ZNF710: variants seen among roughly 807,000 people sequenced by gnomAD.
The protein encoded by ZNF710 is zinc finger protein 710.
ZNF710 carries 13 observed loss-of-function variants against 50.6 expected under a neutral mutation model. The ratio of observed to expected loss-of-function variants is 0.26; its 90% CI spans 0.17 to 0.41. The LOEUF is 0.41. Ranked by LOEUF, ZNF710 falls within the 10% of genes least tolerant of loss-of-function variation. ZNF710 has a pLI of 1.00. For synonymous variants in ZNF710, 383 were observed against 397.0 expected, an observed-to-expected ratio of 0.96 and a Z score of 0.42; for missense variants, 721 against 936.6, an observed-to-expected ratio of 0.77 and a Z score of 3.01.
Position 90,031,021 on chromosome 15 carries a change from AAAAAAAG to A in ZNF710, c.-29+29414_-29+29420del, listed in dbSNP as rs1231461355. Among the ~76,000 whole-genome samples, 207 of 150,400 alleles carry A rather than the reference AAAAAAAG, an allele frequency of 1.4e-3. 9 individuals carry two copies. Among genetic ancestry groups the A allele is most frequent in the African/African-American group, 4.8e-3 (197 of 40,902 alleles). On this transcript the variant is annotated intron_variant, in intron 1 of 4. Transcript: ENST00000268154. ...GCGACAGAGCGAGACTCCGTCTCAA[AAAAAAAG>A]AAAAAAAAAAAAATGCTTAATGGAT...
intron 1 of ZNF710, among the ~76,000 whole-genome samples, chr15:90,035,185 C>T (rs894044590): frequency 6.6e-6 from 1 of 152,234 alleles, no homozygotes; most frequent in African/African-American, 2.4e-5. Context: ...ACGTGGGGAC[C>T]TGGCAACCAC....
intron 1 of ZNF710, among the ~76,000 whole-genome samples, chr15:90,004,309 C>T (rs543109284): frequency 1.3e-5 from 2 of 152,286 alleles, no homozygotes; most frequent in East Asian, 3.9e-4. Context: ...TGGAAAGAAG[C>T]ACAACTTCTT....
chr15:90,064,734 C>T (rs900065050), intron 1 of ZNF710, among the ~76,000 whole-genome samples: 6 of 152,110 alleles, frequency 3.9e-5, no homozygotes, highest in East Asian at 1.9e-4. Flanking sequence ...GTGATCTGCC[C>T]GCCTCAGCCT....
At chr15:90,066,632 C>T (rs1261823708) in intron 1 of ZNF710, among the ~76,000 whole-genome samples, 4 of 152,000 alleles carry the variant, frequency 2.6e-5, no homozygotes, top group East Asian at 1.9e-4. Flanking sequence ...CCGGCCACCA[C>T]GCCCAGCTAA....
At position 90,082,004 on chromosome 15, in the gene ZNF710, CAAA is replaced by C. The variant is rs1262396168; in HGVS notation, c.*2177_*2179del. The C allele has an allele frequency of 6.6e-6, 1 of 152,228 alleles. No homozygotes were observed. The highest frequency in any genetic ancestry group is 2.4e-5 in the African/African-American group (1 of 41,442). 9.4% of individuals were successfully genotyped at this position (152,228 alleles called of 1,614,324 possible). On this transcript the variant is annotated 3_prime_UTR_variant, in exon 5 of 5. Coordinates refer to ENST00000268154, the MANE Select transcript of ZNF710 (RefSeq NM_198526.4). ...TGTCTGTACCCCTCCCTAACCTTCT[CAAA>C]AGAGGTGCACAGCCTCTCGGGTGAC...
At chr15:90,035,707 C>T (rs992391409) in intron 1 of ZNF710, among the ~76,000 whole-genome samples, 3 of 152,196 alleles carry the variant, frequency 2.0e-5, no homozygotes, top group Admixed American at 6.5e-5. Flanking sequence ...TAGCAAACAG[C>T]GATCAGCAGC....
chr15:90,067,700 ACCCTC>A lies in ZNF710; in HGVS notation c.564_568del (p.Asp188GlufsTer39). ...CCGGAGCTGAACGTGGCCCCATATG[ACCCTC>A]ACTTCCCGGCCCCGGCCCGGGATGG... On this transcript the variant is annotated frameshift_variant, in exon 2 of 5. Transcript: ENST00000268154. LOFTEE classifies it high-confidence loss of function. The surrounding 1 kb of genome is among the most constrained non-coding windows in gnomAD (Gnocchi z 8.1). 1 of 1,609,988 alleles carries A rather than the reference ACCCTC, an allele frequency of 6.2e-7. No homozygotes were observed. Among genetic ancestry groups the A allele is most frequent in the Non-Finnish European group, 8.5e-7 (1 of 1,178,292 alleles).
At chr15:90,074,001 A>AAC (rs1900493230) in intron 3 of ZNF710, 115 bp from the exon 4 acceptor site, 14 of 844,130 alleles carry the variant, frequency 1.7e-5, no homozygotes, top group African/African-American at 9.2e-5. Flanking sequence ...AAAAAAAAAC[A>AAC]AAAAAAAAAA....
chr15:90,067,915 G>A lies in ZNF710; in HGVS notation c.778G>A (p.Gly260Ser). The change falls in exon 2 of 5, where the codon GGT (glycine) becomes AGT (serine). Residue 260 changes from glycine to serine, a missense_variant. By Grantham distance (56) the Gly-to-Ser change is moderately conservative (BLOSUM62 0). Coordinates refer to ENST00000268154, the MANE Select transcript of ZNF710 (RefSeq NM_198526.4). This position sits in a 1 kb window ranked among gnomAD's most constrained non-coding sequence, Gnocchi z 8.1. The stretch of plus-strand genomic sequence containing the variant: ...CAGTGAGTTCGAGGCTGACACGGCG[G>A]GTTCGACCGTGGAACGCCACAAGAA... ...EASEFEADTA[G>S]STVERHKKAQ... is the part of the protein sequence containing the mutation. 3 of 1,612,388 alleles carry A rather than the reference G, an allele frequency of 1.9e-6. No homozygotes were observed. The highest frequency in any genetic ancestry group is 2.5e-6 in the Non-Finnish European group (3 of 1,179,156).
chr15:89,999,696 C>A (rs1328570612), upstream of ZNF710, among the ~76,000 whole-genome samples: 1 of 150,300 alleles, frequency 6.7e-6, no homozygotes, highest in Non-Finnish European at 1.5e-5. Context: ...TTGGGGCTCT[C>A]GTTTCTAAAG....
At position 90,034,858 on chromosome 15, in the gene ZNF710, G is replaced by T. The variant is rs1480875282; in HGVS notation, c.-28-32252G>T. Among the ~76,000 whole-genome samples, 1 of 151,854 alleles carries T rather than the reference G, an allele frequency of 6.6e-6. No homozygotes were observed. The highest frequency in any genetic ancestry group is 2.4e-5 in the African/African-American group (1 of 41,434). Reference sequence around the variant, plus strand: ...CACATCGCCCCAAGGTCGGGCTGAAGAGATTTGGATCTTCTGAGTTGCAAG... The same window carrying T: ...CACATCGCCCCAAGGTCGGGCTGAATAGATTTGGATCTTCTGAGTTGCAAG... On this transcript the variant is annotated intron_variant, in intron 1 of 4. Transcript: ENST00000268154. The surrounding 1 kb of genome is among the most constrained non-coding windows in gnomAD (Gnocchi z 4.0).
intron 1 of ZNF710, among the ~76,000 whole-genome samples, chr15:90,004,155 T>C (rs1189909510): frequency 1.3e-5 from 2 of 152,180 alleles, no homozygotes; most frequent in East Asian, 3.8e-4. Context: ...TATTTTAGGC[T>C]CACTGTCTAG....
rs1204726599 is a variant in ZNF710 at position 90,062,853 on chromosome 15, C to A, written c.-28-4257C>A. Among the ~76,000 whole-genome samples the A allele has an allele frequency of 6.6e-6, 1 of 152,212 alleles. No homozygotes were observed. The highest frequency in any genetic ancestry group is 1.5e-5 in the Non-Finnish European group (1 of 68,030). On this transcript the variant is annotated intron_variant, in intron 1 of 4. Coordinates refer to ENST00000268154, the MANE Select transcript of ZNF710 (RefSeq NM_198526.4). The surrounding 1 kb of genome is among the most constrained non-coding windows in gnomAD (Gnocchi z 5.6). The stretch of plus-strand genomic sequence containing the variant: ...ACACACACGCGCGCACGCGCACACA[C>A]ACACAGCCTGCCTGGCCGCCCCAGT...
At chr15:90,049,171 C>G (rs1899560392) in intron 1 of ZNF710, among the ~76,000 whole-genome samples, 1 of 152,212 alleles carries the variant, frequency 6.6e-6, no homozygotes, top group South Asian at 2.1e-4. Flanking sequence ...CAGGCATATC[C>G]CATTGCATTA....
chr15:90,067,992 G>A lies in ZNF710; in HGVS notation c.855G>A (p.Leu285=). Residue 285 remains leucine (L), a synonymous_variant, in exon 2 of 5, where the codon CTG becomes CTA. Coordinates refer to ENST00000268154, the MANE Select transcript of ZNF710 (RefSeq NM_198526.4). This position sits in a 1 kb window ranked among gnomAD's most constrained non-coding sequence, Gnocchi z 8.1. The part of the protein sequence containing the change: ...DINVQIDDSY[L]VEAGDRQKRW... ...ACGTGCAGATTGACGACTCCTATCT[G>A]GTGGAGGCGGGCGACCGCCAGAAGC... The A allele has an allele frequency of 3.1e-6, 5 of 1,614,118 alleles. No individual in the cohort carries two copies. Among genetic ancestry groups the A allele is most frequent in the Non-Finnish European group, 4.2e-6 (5 of 1,180,028 alleles).
At chr15:90,021,673 A>G (rs1417224028) in intron 1 of ZNF710, among the ~76,000 whole-genome samples, 2 of 152,140 alleles carry the variant, frequency 1.3e-5, no homozygotes, top group Non-Finnish European at 2.9e-5. Context: ...AAGGGGTACT[A>G]GATATTGGAT....
intron 1 of ZNF710, among the ~76,000 whole-genome samples, chr15:90,044,724 A>G (rs1350157005): frequency 1.3e-5 from 2 of 152,170 alleles, no homozygotes; most frequent in African/African-American, 2.4e-5. Context: ...GAGAGCCGAC[A>G]TATGCTTGTC....
At chr15:90,019,187 C>CTTTTTCTTTTTTTTTTTTTTTGTTTT (rs1898539482) in intron 1 of ZNF710, among the ~76,000 whole-genome samples, 1 of 89,388 alleles carries the variant, frequency 1.1e-5, no homozygotes, top group Non-Finnish European at 2.1e-5. Flanking sequence ...CTTTTTCTTT[C>CTTTTTCTTTTTTTTTTTTTTTGTTTT]TTTTTTTTTT....
chr15:90,007,776 CT>C (rs990197674), intron 1 of ZNF710, among the ~76,000 whole-genome samples: 1 of 151,500 alleles, frequency 6.6e-6, no homozygotes. Flanking sequence ...GGGGCGAGCT[CT>C]TTTTTGGTAG....
Sources: allele counts gnomAD v4.1 joint callset (sites outside exome capture counted in the v4.1 genomes callset), GRCh38; gene constraint gnomAD v4.1.1; non-coding constraint Gnocchi (gnomAD v3.1); transcripts MANE v1.5; gene names NCBI Gene and HGNC (gene_info 2026-07-23, HGNC 2026-07-21).